The following POLR1A variants were observed in gnomAD, a reference collection of about 807,000 sequenced individuals.
POLR1A encodes the protein RNA polymerase I subunit A.
A neutral mutation model predicts 205.3 loss-of-function variants in POLR1A; 84 were observed. The observed-to-expected ratio is 0.41, with a 90% CI of 0.34 to 0.49. The LOEUF (loss-of-function observed/expected upper bound fraction) is 0.49. Among genes scored for constraint, POLR1A ranks in the 20% least tolerant of loss-of-function variants. The pLI is 0.22. For missense variants in POLR1A, 1,645 were observed against 2,204.5 expected (o/e 0.75, Z 5.08); for synonymous variants, 799 against 863.7 (o/e 0.93, Z 1.31).
rs1277298256 is a variant in POLR1A, at chr2:86,039,241, A to T, written c.3876+86T>A. 12 of 1,425,976 alleles carry T rather than the reference A, an allele frequency of 8.4e-6. No individual in the cohort carries two copies. The East Asian group carries it at 2.5e-4, about 30-fold the overall frequency. 88.3% of individuals were successfully genotyped at this position (1,425,976 alleles called of 1,614,324 possible). On this transcript the variant is annotated intron_variant, in intron 26 of 33. Coordinates refer to ENST00000263857, the MANE Select transcript of POLR1A (RefSeq NM_015425.6). ...GGGAATCTGAGCCTAGGGTCAGAGC[A>T]GTAAGCAAAGCCTGTTCTTCACACA...
At position 86,028,128 on chromosome 2, in the gene POLR1A, C is replaced by T; in HGVS notation, c.4898-79G>A. 3 of 1,357,914 alleles carry T rather than the reference C, an allele frequency of 2.2e-6. 1 individual carries two copies. The South Asian group carries it at 3.6e-5, about 16-fold the overall frequency. 84.1% of individuals were successfully genotyped at this position (1,357,914 alleles called of 1,614,324 possible). On this transcript the variant is annotated intron_variant, in intron 32 of 33. Coordinates refer to ENST00000263857, the MANE Select transcript of POLR1A (RefSeq NM_015425.6). The surrounding 1 kb of genome is among the most constrained non-coding windows in gnomAD (Gnocchi z 4.5). ...TCAGCAGACACAAGCCAAGCTGCCT[C>T]CACATCAGCACATGGCTTGGGAGTT...
At chr2:86,045,487 G>T in intron 20 of POLR1A, 127 bp from the exon 21 acceptor site, 1 of 1,270,244 alleles carries the variant, frequency 7.9e-7, no homozygotes, top group Non-Finnish European at 1.1e-6. Context: ...GATCTCCTAG[G>T]ACTTTTTGAC....
At chr2:86,073,673 A>G (rs962339210) in intron 12 of POLR1A, among the ~76,000 whole-genome samples, 1 of 152,296 alleles carries the variant, frequency 6.6e-6, no homozygotes, top group Middle Eastern at 3.4e-3. Flanking sequence ...CAACAGCAAT[A>G]CATTTATATG....
chr2:86,096,239 C>G (rs1457973082), intron 3 of POLR1A, among the ~76,000 whole-genome samples: 2 of 152,042 alleles, frequency 1.3e-5, no homozygotes, highest in African/African-American at 4.8e-5. Flanking sequence ...ATGTGAAAGA[C>G]TCTTGGAAAA....
At chr2:86,032,788 TCTC>T (rs1212459054) in intron 28 of POLR1A, among the ~76,000 whole-genome samples, 1 of 152,218 alleles carries the variant, frequency 6.6e-6, no homozygotes, top group African/African-American at 2.4e-5. Flanking sequence ...TCTCTTCCTT[TCTC>T]CTCCTGAACT....
Position 86,045,746 on chromosome 2 carries a change from A to G in POLR1A, c.2757T>C (p.Ile919=), listed in dbSNP as rs749167377. The G allele has an allele frequency of 1.9e-6, 3 of 1,607,754 alleles. No individual in the cohort carries two copies. Among genetic ancestry groups the G allele is most frequent in the Non-Finnish European group, 2.5e-6 (3 of 1,178,684 alleles). ...TMQISCLLGQ[I]ELEGRRPPLM... ...GCGGGGGTCTCCGACCTTCCAGTTCAATCTGGCCCAGCAGGCACGAGATCT... is the reference window on the plus strand; with the variant it reads ...GCGGGGGTCTCCGACCTTCCAGTTCGATCTGGCCCAGCAGGCACGAGATCT... Residue 919 remains isoleucine, a synonymous_variant, in exon 20 of 34, where the codon ATT becomes ATC. Transcript: ENST00000263857.
At position 86,105,847 on chromosome 2, in the gene POLR1A, A is replaced by T; in HGVS notation, c.-71T>A. On this transcript the variant is annotated 5_prime_UTR_variant, in exon 1 of 34. It adds an upstream start codon to the 5' untranslated region. Coordinates refer to ENST00000263857, the MANE Select transcript of POLR1A (RefSeq NM_015425.6). The stretch of plus-strand genomic sequence containing the variant: ...TCACCACCTGACTATTCTTAATTCA[A>T]CCTCAAGCCCGGAGTCACCACGCGA... The T allele has an allele frequency of 7.2e-7, 1 of 1,379,318 alleles. No individual in the cohort carries two copies. The highest frequency in any genetic ancestry group is 1.0e-6 in the Non-Finnish European group (1 of 974,390). 85.4% of individuals were successfully genotyped at this position (1,379,318 alleles called of 1,614,324 possible).
At chr2:86,096,067 A>C (rs1189185186) in intron 3 of POLR1A, among the ~76,000 whole-genome samples, 1 of 152,106 alleles carries the variant, frequency 6.6e-6, no homozygotes, top group African/African-American at 2.4e-5. Context: ...ACTCTACCAA[A>C]AACCTCTTAG....
chr2:86,085,156 T>C (rs554464736), intron 6 of POLR1A, among the ~76,000 whole-genome samples: 1 of 152,140 alleles, frequency 6.6e-6, no homozygotes, highest in African/African-American at 2.4e-5. Context: ...AGAGACGGGG[T>C]TTCACCGTGT....
intron 1 of POLR1A, among the ~76,000 whole-genome samples, chr2:86,102,826 G>A (rs1205188010): frequency 6.6e-6 from 1 of 152,212 alleles, no homozygotes; most frequent in Non-Finnish European, 1.5e-5. Context: ...GTTTGAAGAT[G>A]ACCTTTGCCA....
chr2:86,098,735 G>C lies in POLR1A; in HGVS notation c.308C>G (p.Ser103Cys), dbSNP rs1351663170. ...FDKLYLLLRG[S>C]CLNCHMLTCP... ...AGTCAGCATGTGGCAGTTTAAACAA[G>C]AGCCCCGAAGCAGCAGGTACAGCTT... The change falls in exon 3 of 34, where the codon TCT becomes TGT. Residue 103 changes from serine to cysteine, a missense_variant. Around this residue, in one of 16 missense-constraint regions of POLR1A, gnomAD observed 330 missense variants for 375.6 expected, o/e 0.88. Transcript: ENST00000263857. 2 of 1,614,000 alleles carry C rather than the reference G, an allele frequency of 1.2e-6. No individual in the cohort carries two copies. Among genetic ancestry groups the C allele is most frequent in the South Asian group, 2.2e-5 (2 of 91,068 alleles).
At chr2:86,032,464 T>A in intron 28 of POLR1A, 82 bp from the exon 29 acceptor site, 1 of 928,404 alleles carries the variant, frequency 1.1e-6, no homozygotes, top group Non-Finnish European at 1.8e-6. Flanking sequence ...CACCAACCCA[T>A]CCATCCATCC....
intron 16 of POLR1A, among the ~76,000 whole-genome samples, chr2:86,051,223 G>T: frequency 6.6e-6 from 1 of 150,388 alleles, no homozygotes; most frequent in Non-Finnish European, 1.5e-5. Flanking sequence ...GTGGGTAAGG[G>T]AAGTAGAGTA....
chr2:86,045,906 T>A (rs1309562293), intron 19 of POLR1A, 137 bp from the exon 20 acceptor site: 1 of 684,984 alleles, frequency 1.5e-6, no homozygotes, highest in African/African-American at 1.9e-5. Flanking sequence ...AACCTACATT[T>A]CTAAACAAAC....
At chr2:86,099,924 C>A in intron 2 of POLR1A, 44 bp downstream of exon 2, 1 of 1,544,498 alleles carries the variant, frequency 6.5e-7, no homozygotes, top group Non-Finnish European at 8.9e-7. Flanking sequence ...ACTCACAAAT[C>A]CCACCAGCAG....
intron 18 of POLR1A, among the ~76,000 whole-genome samples, chr2:86,047,719 G>A (rs1672733994): frequency 6.6e-6 from 1 of 152,154 alleles, no homozygotes; most frequent in African/African-American, 2.4e-5. Flanking sequence ...TGCCACCCAA[G>A]CCCCATGTAG....
At chr2:86,034,084 G>A (rs1672453178) in intron 27 of POLR1A, among the ~76,000 whole-genome samples, 1 of 152,212 alleles carries the variant, frequency 6.6e-6, no homozygotes, top group South Asian at 2.1e-4. Flanking sequence ...TAGAAAATAT[G>A]GGAATTACTA....
chr2:86,083,685 A>G (rs577023283), intron 6 of POLR1A, among the ~76,000 whole-genome samples: 202 of 152,360 alleles, frequency 1.3e-3, no homozygotes, highest in African/African-American at 4.8e-3. Flanking sequence ...ATTGATTTCC[A>G]TATTTTGCTA....
At position 86,065,262 on chromosome 2, in the gene POLR1A, T is replaced by A. The variant is rs746253437; in HGVS notation, c.2058+12A>T. 1.9e-6 allele frequency: 3 copies of A among 1,610,896 alleles called. No homozygotes were observed. On this transcript the variant is annotated intron_variant, in intron 14 of 33. Coordinates refer to ENST00000263857, the MANE Select transcript of POLR1A (RefSeq NM_015425.6). ...CTTTTGTTACATACACTGGCTGTTC[T>A]CTCCCAATTACCTGTTTTCCTGTCC...
Sources: gnomAD v4.1 joint callset for allele counts (sites outside exome capture counted in the v4.1 genomes callset) on GRCh38, gnomAD v4.1.1 for gene constraint, gnomAD v4.1.1 regional missense constraint, Gnocchi (gnomAD v3.1) non-coding constraint, MANE v1.5 for transcripts, NCBI Gene and HGNC (gene_info 2026-07-23, HGNC 2026-07-21) for gene names.